The following SPIRE1 variants were observed in gnomAD, a reference collection of about 807,000 sequenced individuals.
SPIRE1 encodes the protein spire type actin nucleation factor 1.
Under a neutral mutation model 94.1 loss-of-function variants are expected in SPIRE1, and 40 were observed. The observed-to-expected ratio is 0.43, with a 90% CI of 0.33 to 0.55. The LOEUF is 0.55. Among genes scored for constraint, SPIRE1 ranks in the 20% least tolerant of loss-of-function variants. SPIRE1 has a pLI of 0.06. For missense variants in SPIRE1, 838 were observed against 975.2 expected (o/e 0.86, Z 1.87); for synonymous variants, 376 against 371.7 (o/e 1.01, Z -0.13).
intron 2 of SPIRE1, among the ~76,000 whole-genome samples, chr18:12,564,765 A>T (rs991508653): frequency 6.6e-6 from 1 of 152,164 alleles, no homozygotes; most frequent in Non-Finnish European, 1.5e-5. Flanking sequence ...CAATCCTGAG[A>T]ATTAAAAAAA....
At chr18:12,498,030 G>A (rs943507783) in intron 6 of SPIRE1, among the ~76,000 whole-genome samples, 13 of 152,190 alleles carry the variant, frequency 8.5e-5, no homozygotes, top group Non-Finnish European at 1.6e-4. Context: ...AAGTCAGTAC[G>A]GGTGGAGGAA....
rs867141505 is a variant in SPIRE1, at chr18:12,658,026, G to A, written c.-160C>T. The stretch of plus-strand genomic sequence containing the variant: ...CCGGGACCAGGCGAGTGCCCGGGAG[G>A]CGTGGGCAAGAGGAGGGCGGCGAGG... On this transcript the variant is annotated 5_prime_UTR_variant, in exon 1 of 17. Coordinates refer to ENST00000409402, the MANE Select transcript of SPIRE1 (RefSeq NM_001128626.2). 7.1e-6 allele frequency: 7 copies of A among 992,870 alleles called. No homozygotes were observed. The African/African-American group carries it at 1.1e-4, about 15-fold the overall frequency. The allele number at this position is 992,870 out of a possible 1,614,324, so 61.5% of individuals were successfully genotyped here.
upstream of SPIRE1, among the ~76,000 whole-genome samples, chr18:12,661,002 T>C (rs1344376252): frequency 6.6e-6 from 1 of 152,236 alleles, no homozygotes; most frequent in Non-Finnish European, 1.5e-5. Flanking sequence ...TGATTTTCAG[T>C]ACTCCTTAAA....
chr18:12,521,715 A>G (rs1261216552), intron 4 of SPIRE1, among the ~76,000 whole-genome samples: 3 of 152,024 alleles, frequency 2.0e-5, no homozygotes, highest in Non-Finnish European at 4.4e-5. Flanking sequence ...TTCCTAGAGT[A>G]TGTGCTCACT....
At chr18:12,628,943 C>T (rs937451452) in intron 2 of SPIRE1, among the ~76,000 whole-genome samples, 2 of 152,178 alleles carry the variant, frequency 1.3e-5, no homozygotes, top group African/African-American at 4.8e-5. Context: ...GCCCAGTATA[C>T]ATGAACTTTA....
chr18:12,614,813 TG>T (rs1189230714), intron 2 of SPIRE1, among the ~76,000 whole-genome samples: 1 of 152,022 alleles, frequency 6.6e-6, no homozygotes, highest in African/African-American at 2.4e-5. Context: ...AGCAAGACTC[TG>T]TCTTAGAAAA....
intron 1 of SPIRE1, among the ~76,000 whole-genome samples, chr18:12,635,911 A>G (rs2037912584): frequency 6.6e-6 from 1 of 151,388 alleles, no homozygotes; most frequent in Non-Finnish European, 1.5e-5. Flanking sequence ...TTTTTTGAGA[A>G]GCAGTCTCAC....
chr18:12,582,403 C>G (rs1296355294), intron 2 of SPIRE1, among the ~76,000 whole-genome samples: 2 of 152,112 alleles, frequency 1.3e-5, no homozygotes, highest in Non-Finnish European at 2.9e-5. Flanking sequence ...CCAGCTATCT[C>G]CAACTTTAAA....
chr18:12,460,043 C>CAAAA (rs1224476454), intron 12 of SPIRE1: 1 of 326,628 alleles, frequency 3.1e-6, no homozygotes, highest in Non-Finnish European at 4.4e-6. Context: ...GAAAACAAAA[C>CAAAA]AAAAAACACC....
intron 11 of SPIRE1, 54 bp downstream of exon 11, chr18:12,464,814 G>T: frequency 6.8e-7 from 1 of 1,461,524 alleles, no homozygotes; most frequent in Non-Finnish European, 9.6e-7. Context: ...TCTAGGTCAA[G>T]TGTGTTTTGT....
chr18:12,529,268 C>CTGAAGCAGGAGAATGGTG (rs745854506), intron 4 of SPIRE1, among the ~76,000 whole-genome samples: 165 of 151,820 alleles, frequency 1.1e-3, no homozygotes, highest in Middle Eastern at 3.4e-3. Context: ...ACTCTGGAGG[C>CTGAAGCAGGAGAATGGTG]TGAAGCAGGA....
At position 12,558,827 on chromosome 18, in the gene SPIRE1, C is replaced by T. The variant is rs151059819; in HGVS notation, c.373-11923G>A. On this transcript the variant is annotated intron_variant, in intron 2 of 16. Transcript: ENST00000409402. ...AGCTACACATAAAAGTTCTCCAAGT[C>T]CCCACCAGATTAGCTAGATACAGAG... is the stretch of plus-strand genomic sequence containing the variant. 9.8e-3 allele frequency among the ~76,000 whole-genome samples: 1,494 copies of T among 152,162 alleles called. 35 individuals carry two copies. Among genetic ancestry groups the T allele is most frequent in the African/African-American group, 0.033 (1,381 of 41,518 alleles).
At chr18:12,602,129 C>A (rs1381904075) in intron 2 of SPIRE1, among the ~76,000 whole-genome samples, 1 of 152,060 alleles carries the variant, frequency 6.6e-6, no homozygotes, top group Non-Finnish European at 1.5e-5. Flanking sequence ...TAGACATATA[C>A]ACACACACAT....
chr18:12,640,599 C>T (rs1180935777), intron 1 of SPIRE1, among the ~76,000 whole-genome samples: 1 of 152,138 alleles, frequency 6.6e-6, no homozygotes, highest in Non-Finnish European at 1.5e-5. Context: ...ATAAATGGAT[C>T]CAAAAGGGAG....
chr18:12,448,690 A>C lies in SPIRE1; in HGVS notation c.*948T>G, dbSNP rs1201221999. On this transcript the variant is annotated 3_prime_UTR_variant, in exon 17 of 17. Coordinates refer to ENST00000409402, the MANE Select transcript of SPIRE1 (RefSeq NM_001128626.2). This position sits in a 1 kb window ranked among gnomAD's most constrained non-coding sequence, Gnocchi z 4.4. The stretch of plus-strand genomic sequence containing the variant: ...GACCCTAGGTACCAAATTGTGGCTT[A>C]ATTTACTCAAGATGGATGTACTACA... The C allele has an allele frequency of 6.6e-6, 1 of 152,224 alleles. No homozygotes were observed. Among genetic ancestry groups the C allele is most frequent in the Non-Finnish European group, 1.5e-5 (1 of 68,050 alleles). 9.4% of individuals were successfully genotyped at this position (152,224 alleles called of 1,614,324 possible). A position where few individuals can be genotyped will look rare whatever the true frequency, so the allele number is the denominator to read the frequency against.
intron 6 of SPIRE1, among the ~76,000 whole-genome samples, chr18:12,500,275 A>T (rs2033609946): frequency 6.6e-6 from 1 of 152,194 alleles, no homozygotes; most frequent in Non-Finnish European, 1.5e-5. Flanking sequence ...ACCCGCATCT[A>T]AATTAAAATG....
At chr18:12,646,272 C>T (rs1276895069) in intron 1 of SPIRE1, among the ~76,000 whole-genome samples, 1 of 152,148 alleles carries the variant, frequency 6.6e-6, no homozygotes, top group Non-Finnish European at 1.5e-5. Flanking sequence ...GTAACACTCG[C>T]CTACTGTCAC....
chr18:12,657,434 G>A, intron 1 of SPIRE1, 96 bp downstream of exon 1: 1 of 1,024,014 alleles, frequency 9.8e-7, no homozygotes, highest in South Asian at 5.0e-5. Flanking sequence ...AATGGGGGGG[G>A]ACGGCGGGGG....
chr18:12,586,163 A>G (rs747803132), intron 2 of SPIRE1, among the ~76,000 whole-genome samples: 2 of 152,220 alleles, frequency 1.3e-5, no homozygotes, highest in Non-Finnish European at 2.9e-5. Context: ...TATGTTGCCC[A>G]GGCTGGTCTC....
Sources: gnomAD v4.1 joint callset for allele counts (sites outside exome capture counted in the v4.1 genomes callset) on GRCh38, gnomAD v4.1.1 for gene constraint, Gnocchi (gnomAD v3.1) non-coding constraint, MANE v1.5 for transcripts, NCBI Gene and HGNC (gene_info 2026-07-23, HGNC 2026-07-21) for gene names.